RBX1: variants seen among roughly 807,000 people sequenced by gnomAD.
The protein encoded by RBX1 is ring-box 1, also known as E3 ubiquitin-protein ligase RBX1.
For synonymous variants in RBX1, 48 were observed against 47.9 expected (o/e 1.00, Z -0.01); for missense variants, 46 against 141.4 (o/e 0.33, Z 3.42).
At chr22:40,957,489 T>A (rs960403249) in intron 2 of RBX1, among the ~76,000 whole-genome samples, 3 of 151,676 alleles carry the variant, frequency 2.0e-5, no homozygotes, top group Non-Finnish European at 4.4e-5. Flanking sequence ...CTACAAAAAA[T>A]TAGCCAGGCA....
At position 40,951,409 on chromosome 22, in the gene RBX1, C is replaced by T. The variant is rs369038259; in HGVS notation, c.11C>T (p.Ala4Val). 1.9e-6 allele frequency: 3 copies of T among 1,612,430 alleles called. No homozygotes were observed. The highest frequency in any genetic ancestry group is 1.3e-5 in the African/African-American group (1 of 74,910). Reference protein sequence around the residue: MAAAMDVDTPSGTN... With the variant: MAAVMDVDTPSGTN... ...CCGTGTGTTTCCAAAATGGCGGCAG[C>T]GATGGATGTGGATACCCCGAGCGGC... Residue 4 changes from alanine to valine, a missense_variant, in exon 1 of 5, where the codon GCG becomes GTG. Transcript: ENST00000216225.
At position 40,959,909 on chromosome 22, in the gene RBX1, G is replaced by A. The variant is rs144288284; in HGVS notation, c.158-4138G>A. Among the ~76,000 whole-genome samples, 31 of 151,480 alleles carry A rather than the reference G, an allele frequency of 2.0e-4. No homozygotes were observed. In the East Asian group the frequency reaches 5.8e-3, roughly 29 times the overall value. On this transcript the variant is annotated intron_variant, in intron 2 of 4. Coordinates refer to ENST00000216225, the MANE Select transcript of RBX1 (RefSeq NM_014248.4). ...AGGCAGGCAGATCACTTGAGGTCAG[G>A]AGTTAAAGACCAGCCTGGCCAACAT...
At chr22:40,953,732 A>G in intron 2 of RBX1, 99 bp downstream of exon 2, 2 of 815,498 alleles carry the variant, frequency 2.5e-6, no homozygotes, top group South Asian at 1.3e-5. Context: ...GGAGATAGCA[A>G]GCCTACTCTG....
intron 2 of RBX1, among the ~76,000 whole-genome samples, chr22:40,955,096 A>G (rs951376429): frequency 6.6e-6 from 1 of 151,940 alleles, no homozygotes; most frequent in African/African-American, 2.4e-5. Context: ...CTGCTTTTCC[A>G]TTCTTAAGTG....
At chr22:40,968,105 T>G (rs2058358981) in intron 4 of RBX1, among the ~76,000 whole-genome samples, 1 of 149,546 alleles carries the variant, frequency 6.7e-6, no homozygotes, top group African/African-American at 2.5e-5. Context: ...TTTTTTTTTT[T>G]TTTGAGACGG....
intron 4 of RBX1, among the ~76,000 whole-genome samples, chr22:40,968,457 C>T (rs1298138079): frequency 6.6e-6 from 1 of 152,066 alleles, no homozygotes. Flanking sequence ...TTAAATATTT[C>T]CAGAATTACA....
intron 1 of RBX1, 137 bp downstream of exon 1, chr22:40,951,613 C>A: frequency 1.3e-6 from 1 of 778,274 alleles, no homozygotes; most frequent in Non-Finnish European, 2.0e-6. Flanking sequence ...GAAAGGAAGC[C>A]GGGGGGCGGG....
intron 3 of RBX1, chr22:40,966,478 G>A (rs1366155917): frequency 6.6e-6 from 1 of 152,168 alleles, no homozygotes; most frequent in Admixed American, 6.6e-5. Flanking sequence ...TAAGAAAAAT[G>A]TCTCTGCTTT....
intron 2 of RBX1, among the ~76,000 whole-genome samples, chr22:40,955,497 TCAA>T (rs1355259583): frequency 6.6e-6 from 1 of 151,560 alleles, no homozygotes; most frequent in African/African-American, 2.4e-5. Context: ...TAGTTTTACT[TCAA>T]CATGTAATTG....
intron 2 of RBX1, among the ~76,000 whole-genome samples, chr22:40,960,095 A>G (rs1327426894): frequency 1.3e-5 from 2 of 152,110 alleles, no homozygotes; most frequent in Non-Finnish European, 2.9e-5. Context: ...CAGCCTGGGC[A>G]ACAGAGCGAG....
intron 2 of RBX1, among the ~76,000 whole-genome samples, chr22:40,962,495 C>CTTTT (rs767224631): frequency 3.0e-5 from 4 of 132,602 alleles, no homozygotes; most frequent in Non-Finnish European, 3.3e-5. Flanking sequence ...AATAGTTTTA[C>CTTTT]TTTTTTTTTT....
intron 1 of RBX1, 152 bp from the exon 2 acceptor site, chr22:40,953,403 G>C: frequency 1.8e-6 from 1 of 553,350 alleles, no homozygotes; most frequent in Non-Finnish European, 3.4e-6. Context: ...TGTTGTCTTT[G>C]GTATAATAAG....
intron 2 of RBX1, among the ~76,000 whole-genome samples, chr22:40,956,381 G>A (rs543599795): frequency 5.7e-4 from 87 of 151,520 alleles, no homozygotes; most frequent in Non-Finnish European, 1.1e-3. Context: ...AGTGAGATCG[G>A]GCAGGTCTTT....
intron 2 of RBX1, among the ~76,000 whole-genome samples, chr22:40,954,152 C>T (rs964616174): frequency 6.6e-5 from 10 of 151,946 alleles, no homozygotes; most frequent in Admixed American, 6.6e-4. Flanking sequence ...GTCTGTAATC[C>T]CAGCTACTTG....
intron 2 of RBX1, among the ~76,000 whole-genome samples, chr22:40,958,319 A>C (rs1374496656): frequency 6.6e-6 from 1 of 152,076 alleles, no homozygotes; most frequent in Non-Finnish European, 1.5e-5. Context: ...AAAAAAAAAA[A>C]AGGATTTATA....
intron 4 of RBX1, among the ~76,000 whole-genome samples, 182 bp from the exon 5 acceptor site, chr22:40,972,294 A>T (rs2058371207): frequency 1.3e-5 from 2 of 152,166 alleles, no homozygotes; most frequent in Admixed American, 6.6e-5. Context: ...GTCCTGTAAG[A>T]TGGGGAGGGG....
At chr22:40,959,051 A>G (rs1020480431) in intron 2 of RBX1, among the ~76,000 whole-genome samples, 5 of 152,028 alleles carry the variant, frequency 3.3e-5, no homozygotes, top group African/African-American at 1.2e-4. Flanking sequence ...CCTGACCTCG[A>G]GTGATCCACC....
chr22:40,951,594 G>C (rs189560996), intron 1 of RBX1, 118 bp downstream of exon 1: 3 of 951,732 alleles, frequency 3.2e-6, no homozygotes, highest in African/African-American at 1.7e-5. Flanking sequence ...TCCTGGGACC[G>C]GGTACCACGA....
At chr22:40,957,179 C>T (rs1376721813) in intron 2 of RBX1, among the ~76,000 whole-genome samples, 1 of 151,346 alleles carries the variant, frequency 6.6e-6, no homozygotes, top group Non-Finnish European at 1.5e-5. Flanking sequence ...AACCCCATCT[C>T]TACTAAAAAT....
Sources: gnomAD v4.1 joint callset for allele counts (sites outside exome capture counted in the v4.1 genomes callset) on GRCh38, gnomAD v4.1.1 for gene constraint, MANE v1.5 for transcripts, NCBI Gene and HGNC (gene_info 2026-07-23, HGNC 2026-07-21) for gene names.